The following RRBP1 variants were observed in gnomAD, a reference collection of about 807,000 sequenced individuals.
The protein encoded by RRBP1 is ribosome-binding protein 1.
RRBP1 carries 94 observed loss-of-function variants against 165.2 expected under a neutral mutation model. The observed-to-expected ratio is 0.57, with a 90% CI of 0.48 to 0.68. RRBP1 has a LOEUF of 0.68. RRBP1 is among the 30% of genes least tolerant of loss of function. RRBP1 has a pLI of 0.00. For synonymous variants in RRBP1, 680 were observed against 714.5 expected, an observed-to-expected ratio of 0.95 and a Z score of 0.77; for missense variants, 1,676 against 1,763.0, an observed-to-expected ratio of 0.95 and a Z score of 0.88.
chr20:17,671,505 C>G (rs2036978781), intron 2 of RRBP1, among the ~76,000 whole-genome samples: 1 of 152,192 alleles, frequency 6.6e-6, no homozygotes, highest in Admixed American at 6.5e-5. Context: ...GAGTTTCCCA[C>G]TACTCAAGTC....
chr20:17,637,761 G>T (rs976096610), intron 5 of RRBP1, among the ~76,000 whole-genome samples: 2 of 152,198 alleles, frequency 1.3e-5, no homozygotes, highest in African/African-American at 2.4e-5. Context: ...GGGACCCTTG[G>T]CCTCACTTTT....
In RRBP1 at chr20:17,665,501, A is replaced by AC. The variant is rs758083331; in HGVS notation, c.-21-4974_-21-4973insG. On this transcript the variant is annotated intron_variant, in intron 2 of 24. Transcript: ENST00000377813. The stretch of plus-strand genomic sequence containing the variant: ...ATTCTTGTGCCTCAGGCTCCCGAGT[A>AC]GCTGGGATTACAGGCGTGTGTCACC... Among the ~76,000 whole-genome samples the AC allele has an allele frequency of 1.1e-4, 16 of 152,286 alleles. No homozygotes were observed. In the East Asian group the frequency reaches 3.1e-3, roughly 29 times the overall value.
intron 16 of RRBP1, 128 bp downstream of exon 16, chr20:17,621,330 G>A (rs992203515): frequency 5.9e-5 from 39 of 656,870 alleles, no homozygotes; most frequent in East Asian, 1.6e-4. Flanking sequence ...GCCGAAGAAC[G>A]GGGCCCAGAG....
chr20:17,661,181 T>C (rs568435025), intron 2 of RRBP1, among the ~76,000 whole-genome samples: 2 of 152,226 alleles, frequency 1.3e-5, no homozygotes, highest in African/African-American at 2.4e-5. Flanking sequence ...TGTTTCCCTC[T>C]TCCCCAGTGC....
chr20:17,649,716 C>A (rs2036523107), intron 3 of RRBP1, among the ~76,000 whole-genome samples: 1 of 152,152 alleles, frequency 6.6e-6, no homozygotes, highest in South Asian at 2.1e-4. Context: ...TTCCCCATAC[C>A]CCCTGACCTG....
chr20:17,627,892 A>G (rs2036061589), intron 9 of RRBP1, among the ~76,000 whole-genome samples: 1 of 152,220 alleles, frequency 6.6e-6, no homozygotes, highest in Non-Finnish European at 1.5e-5. Context: ...ATCACTTCTG[A>G]GAACCGTCAG....
intron 2 of RRBP1, among the ~76,000 whole-genome samples, chr20:17,667,942 T>C (rs776574956): frequency 1.3e-5 from 2 of 152,262 alleles, no homozygotes; most frequent in Non-Finnish European, 2.9e-5. Flanking sequence ...ATGTTGAAGA[T>C]GTTATTTCAC....
At chr20:17,681,656 G>A (rs2037191289) in intron 1 of RRBP1, among the ~76,000 whole-genome samples, 1 of 148,556 alleles carries the variant, frequency 6.7e-6, no homozygotes, top group South Asian at 2.1e-4. Context: ...CCGCCCCGCC[G>A]CCAACTTTCT....
At chr20:17,637,321 G>A (rs145928127) in intron 5 of RRBP1, among the ~76,000 whole-genome samples, 152 of 152,242 alleles carry the variant, frequency 1.0e-3, no homozygotes, top group African/African-American at 1.3e-3. Flanking sequence ...GGGGTCCGGC[G>A]TCTCCAGCAG....
chr20:17,630,319 C>T (rs2036123980), intron 8 of RRBP1, among the ~76,000 whole-genome samples: 1 of 152,196 alleles, frequency 6.6e-6, no homozygotes. Flanking sequence ...CGATTCCTCT[C>T]CCAGGGGCGG....
chr20:17,621,702 C>T lies in RRBP1; in HGVS notation c.3312G>A (p.Ala1104=), dbSNP rs755268299. The part of the protein sequence containing the change: ...PTLLKHPPAP[A]EPSSDLASKL... ...CAGCCACACTTACCGAGGAGGGCTCCGCGGGAGCTGGCGGGTGCTTCAGCA... is the reference window on the plus strand; with the variant it reads ...CAGCCACACTTACCGAGGAGGGCTCTGCGGGAGCTGGCGGGTGCTTCAGCA... Residue 1104 remains alanine, a synonymous_variant, in exon 15 of 25, where the codon GCG becomes GCA. Transcript: ENST00000377813. The T allele has an allele frequency of 1.8e-5, 29 of 1,613,640 alleles. No homozygotes were observed. In the African/African-American group the frequency reaches 2.3e-4, roughly 13 times the overall value.
At chr20:17,615,620 GCC>G in intron 22 of RRBP1, 91 bp from the exon 23 acceptor site, 17 of 980,886 alleles carry the variant, frequency 1.7e-5, no homozygotes, top group Non-Finnish European at 2.5e-5. Context: ...GGACCAGGGG[GCC>G]CCCCCAGCCT....
At chr20:17,620,879 T>A (rs2035901371) in intron 16 of RRBP1, 72 bp from the exon 17 acceptor site, 1 of 1,143,030 alleles carries the variant, frequency 8.7e-7, no homozygotes, top group Non-Finnish European at 1.3e-6. Flanking sequence ...CATCTTCCTG[T>A]CCCTGCAGCC....
intron 3 of RRBP1, among the ~76,000 whole-genome samples, chr20:17,653,359 G>C (rs1357441264): frequency 6.6e-6 from 1 of 152,250 alleles, no homozygotes; most frequent in Admixed American, 6.5e-5. Flanking sequence ...ACGCCACCTG[G>C]CAGTGGCTTA....
In RRBP1 at chr20:17,621,888, A is replaced by T. The variant is rs373635068; in HGVS notation, c.3207T>A (p.Ala1069=). The change falls in exon 14 of 25, where the codon GCT becomes GCA. Residue 1069 remains alanine, a synonymous_variant. Transcript: ENST00000377813. ...CCAAGACAGAGAGTTCTGGGAGCAG[A>T]GCCAGCAGGGCCTCCATGGTCTGCG... ...IEAQTMEALL[A]LLPELSVLAQ... 6.2e-7 allele frequency: 1 copy of T among 1,613,684 alleles called. No homozygotes were observed. The highest frequency in any genetic ancestry group is 1.7e-5 in the Admixed American group (1 of 60,000).
chr20:17,642,168 T>C (rs1156857313), intron 4 of RRBP1, among the ~76,000 whole-genome samples: 1 of 152,182 alleles, frequency 6.6e-6, no homozygotes, highest in African/African-American at 2.4e-5. Context: ...TGGAGTGGCA[T>C]TTAGGAGTGT....
At chr20:17,635,731 G>A in intron 6 of RRBP1, 67 bp from the exon 7 acceptor site, 1 of 1,214,936 alleles carries the variant, frequency 8.2e-7, no homozygotes, top group Non-Finnish European at 1.2e-6. Context: ...CTTCTGAGCA[G>A]TGGTTAGTGA....
chr20:17,639,167 T>A (rs964149660), intron 5 of RRBP1, among the ~76,000 whole-genome samples: 2 of 152,332 alleles, frequency 1.3e-5, no homozygotes, highest in Admixed American at 1.3e-4. Context: ...TCACTGGAGC[T>A]CTGCCTGGAC....
chr20:17,615,849 G>C (rs2035789505), intron 22 of RRBP1, 77 bp downstream of exon 22: 33 of 1,312,756 alleles, frequency 2.5e-5, no homozygotes, highest in Non-Finnish European at 3.3e-5. Context: ...GAGCGGGGCA[G>C]GGCTGACCCA....
Sources: gnomAD v4.1 joint callset for allele counts (sites outside exome capture counted in the v4.1 genomes callset) on GRCh38, gnomAD v4.1.1 for gene constraint, MANE v1.5 for transcripts, NCBI Gene and HGNC (gene_info 2026-07-23, HGNC 2026-07-21) for gene names.